Variants in ARLN observed in about 807,000 individuals in gnomAD.
The protein encoded by ARLN is sarcoplasmic/endoplasmic reticulum calcium ATPase regulator ARLN.
At chr4:119,298,994 G>A in the ARLN span, among the ~76,000 whole-genome samples, 3 of 152,094 alleles carry the variant, frequency 2.0e-5, no homozygotes, top group African/African-American at 7.2e-5. Flanking sequence ...AACAGGGAGG[G>A]AGAGTAAAAC....
At chr4:119,303,486 C>T in the ARLN span, among the ~76,000 whole-genome samples, 2 of 152,154 alleles carry the variant, frequency 1.3e-5, no homozygotes, top group East Asian at 1.9e-4. Context: ...CCGCCCGCCT[C>T]GGCCTGCCAA....
chr4:119,298,888 A>C, the ARLN span: 1 of 647,676 alleles, frequency 1.5e-6, no homozygotes, highest in Non-Finnish European at 2.8e-6. Context: ...CATTTCTTGT[A>C]AGGCCTCTAT....
At chr4:119,301,980 T>C in the ARLN span, among the ~76,000 whole-genome samples, 1 of 152,208 alleles carries the variant, frequency 6.6e-6, no homozygotes, top group South Asian at 2.1e-4. Flanking sequence ...GATTGTGTGC[T>C]GTAATACAGA....
At chr4:119,304,354 C>A in the ARLN span, 2 of 1,536,936 alleles carry the variant, frequency 1.3e-6, no homozygotes, top group Non-Finnish European at 1.7e-6. Flanking sequence ...GTATTTGTTT[C>A]CATAGTTTTT....
At chr4:119,300,592 C>CT in the ARLN span, 19 of 1,612,770 alleles carry the variant, frequency 1.2e-5, no homozygotes, top group Non-Finnish European at 1.5e-5. Flanking sequence ...AGTTCCCGGA[C>CT]TTTGGTGTTC....
chr4:119,298,565 G>GT, the ARLN span: 7 of 455,822 alleles, frequency 1.5e-5, no homozygotes, highest in South Asian at 3.1e-4. Flanking sequence ...GAACCAAAGG[G>GT]TTTAATTTTA....
At chr4:119,303,907 A>G in the ARLN span, among the ~76,000 whole-genome samples, 1 of 152,194 alleles carries the variant, frequency 6.6e-6, no homozygotes, top group Non-Finnish European at 1.5e-5. Flanking sequence ...GAGTTGTACT[A>G]TCATCATAAC....
the ARLN span, chr4:119,298,928 T>A: frequency 2.8e-6 from 1 of 358,090 alleles, no homozygotes. Flanking sequence ...GTTCAGGTCA[T>A]AAAAACACAC....
At chr4:119,297,531 C>T in the ARLN span, 1 of 152,234 alleles carries the variant, frequency 6.6e-6, no homozygotes, top group Non-Finnish European at 1.5e-5. Flanking sequence ...CAACCTCCAC[C>T]TCCCGGATTC....
chr4:119,300,895 C>G, the ARLN span: 1 of 1,200,058 alleles, frequency 8.3e-7, no homozygotes, highest in Non-Finnish European at 1.1e-6. Flanking sequence ...GGACTCCTCC[C>G]TGAAACTGCA....
chr4:119,300,481 C>G, the ARLN span: 21 of 1,614,170 alleles, frequency 1.3e-5, no homozygotes, highest in Non-Finnish European at 1.7e-5. Context: ...TCGCTAAAGC[C>G]TCGCCGCTCC....
the ARLN span, chr4:119,298,582 T>C: frequency 4.3e-6 from 2 of 463,088 alleles, no homozygotes; most frequent in Non-Finnish European, 7.9e-6. Context: ...TTTAAGAACT[T>C]AGCTAGGAAT....
chr4:119,301,527 G>A, the ARLN span, among the ~76,000 whole-genome samples: 1 of 152,058 alleles, frequency 6.6e-6, no homozygotes, highest in Non-Finnish European at 1.5e-5. Flanking sequence ...GACCTATACT[G>A]CCTGGATTTT....
chr4:119,300,736 G>T, the ARLN span: 2 of 1,511,176 alleles, frequency 1.3e-6, no homozygotes, highest in Non-Finnish European at 1.8e-6. Context: ...CGTGACCGCT[G>T]GCATGAAGCG....
chr4:119,304,329 A>G, the ARLN span: 2 of 1,536,992 alleles, frequency 1.3e-6, no homozygotes, highest in African/African-American at 1.4e-5. Flanking sequence ...TCTCAAGATC[A>G]AGGCAGTGAA....
At chr4:119,300,100 A>G in the ARLN span, among the ~76,000 whole-genome samples, 1 of 152,116 alleles carries the variant, frequency 6.6e-6, no homozygotes, top group East Asian at 1.9e-4. Context: ...ATTCCAAATC[A>G]TGAGAAAATA....
chr4:119,300,653 C>T, the ARLN span: 1 of 1,564,432 alleles, frequency 6.4e-7, no homozygotes, highest in Non-Finnish European at 8.6e-7. Context: ...TGCGCCGCGC[C>T]CCGGGTTCCG....
At chr4:119,301,890 G>A in the ARLN span, among the ~76,000 whole-genome samples, 1,212 of 152,290 alleles carry the variant, frequency 8.0e-3, 13 homozygotes, top group African/African-American at 0.028. Context: ...AGGTTTTAGA[G>A]ACAAAGATAG....
chr4:119,298,633 TAAC>T, the ARLN span: 1 of 537,150 alleles, frequency 1.9e-6, no homozygotes, highest in Non-Finnish European at 3.4e-6. Context: ...TGCAAATTAG[TAAC>T]AAAGTGTAAA....
Sources: gnomAD v4.1 joint callset for allele counts (sites outside exome capture counted in the v4.1 genomes callset) on GRCh38, gnomAD v4.1.1 for gene constraint, MANE v1.5 for transcripts, NCBI Gene and HGNC (gene_info 2026-07-23, HGNC 2026-07-21) for gene names.